ST6GALNAC3: variants seen among roughly 807,000 people sequenced by gnomAD.
The protein encoded by ST6GALNAC3 is alpha-N-acetylgalactosaminide alpha-2,6-sialyltransferase 3.
A neutral mutation model predicts 32.7 loss-of-function variants in ST6GALNAC3; 25 were observed. That is an observed-to-expected ratio of 0.76 (90% confidence interval 0.56 to 1.07). The LOEUF (loss-of-function observed/expected upper bound fraction) is 1.07, where lower values mean the gene tolerates loss of function less well. Ranked by LOEUF, ST6GALNAC3 falls within the 50% of genes least tolerant of loss-of-function variation. ST6GALNAC3 has a pLI of 0.00. For synonymous variants in ST6GALNAC3, 129 were observed against 133.1 expected (o/e 0.97, Z 0.21); for missense variants, 355 against 382.4 (o/e 0.93, Z 0.60).
chr1:76,369,811 C>T (rs1157638844), intron 2 of ST6GALNAC3, among the ~76,000 whole-genome samples: 2 of 152,116 alleles, frequency 1.3e-5, no homozygotes, highest in African/African-American at 2.4e-5. Context: ...AGATATTAGG[C>T]AATGCTAGCT....
At chr1:76,589,584 A>G (rs1015522586) in intron 3 of ST6GALNAC3, among the ~76,000 whole-genome samples, 2 of 151,994 alleles carry the variant, frequency 1.3e-5, no homozygotes, top group African/African-American at 4.8e-5. Flanking sequence ...AAAATAATTC[A>G]TGTCTGAAAT....
At chr1:76,141,864 G>C (rs1386309683) in intron 1 of ST6GALNAC3, among the ~76,000 whole-genome samples, 1 of 152,170 alleles carries the variant, frequency 6.6e-6, no homozygotes, top group East Asian at 1.9e-4. Flanking sequence ...CCCTAGAGTT[G>C]AGATTCAACC....
At chr1:76,088,907 A>C (rs1647001262) in intron 1 of ST6GALNAC3, among the ~76,000 whole-genome samples, 1 of 152,228 alleles carries the variant, frequency 6.6e-6, no homozygotes, top group African/African-American at 2.4e-5. Context: ...AAAGTTGTGT[A>C]TGGCTGGCAT....
chr1:76,195,727 A>G (rs557151062), intron 1 of ST6GALNAC3, among the ~76,000 whole-genome samples: 1 of 152,360 alleles, frequency 6.6e-6, no homozygotes, highest in South Asian at 2.1e-4. Flanking sequence ...GTGGTTCCCT[A>G]GTAAGGTCTT....
chr1:76,232,469 T>C (rs1340067450), intron 1 of ST6GALNAC3, among the ~76,000 whole-genome samples: 1 of 152,174 alleles, frequency 6.6e-6, no homozygotes, highest in East Asian at 1.9e-4. Flanking sequence ...CCAGAGCCCA[T>C]CTGGATTCCA....
intron 1 of ST6GALNAC3, among the ~76,000 whole-genome samples, chr1:76,116,759 C>A (rs954997144): frequency 1.4e-4 from 22 of 152,060 alleles, no homozygotes; most frequent in African/African-American, 5.1e-4. Context: ...GGCAAAACCC[C>A]GTCTATACTA....
chr1:76,628,713 G>A lies in ST6GALNAC3; in HGVS notation c.825G>A (p.Gly275=). The change falls in exon 5 of 5, where the codon GGG becomes GGA. Residue 275 remains glycine, a synonymous_variant. Coordinates refer to ENST00000328299, the MANE Select transcript of ST6GALNAC3 (RefSeq NM_152996.4). ...TTCTTCATGAACATGCCCCATATGG[G>A]GGTCATAGGTTTATCACTGAAAAGA... ...EYFLHEHAPY[G]GHRFITEKKV... is the part of the protein sequence containing the mutation. The A allele has an allele frequency of 2.5e-6, 4 of 1,612,426 alleles. No homozygotes were observed. Among genetic ancestry groups the A allele is most frequent in the Middle Eastern group, 1.7e-4 (1 of 6,054 alleles).
chr1:76,502,640 A>T (rs1375155717), intron 3 of ST6GALNAC3, among the ~76,000 whole-genome samples: 1 of 152,230 alleles, frequency 6.6e-6, no homozygotes, highest in Admixed American at 6.5e-5. Flanking sequence ...ACAACCAAGT[A>T]AGTTAACAAT....
intron 3 of ST6GALNAC3, chr1:76,577,365 C>T: frequency 2.1e-6 from 2 of 974,490 alleles, no homozygotes; most frequent in Non-Finnish European, 1.2e-6. Flanking sequence ...AGAGCTATAG[C>T]CTCTTAATCT....
chr1:76,325,438 T>A (rs1647049597), intron 2 of ST6GALNAC3, among the ~76,000 whole-genome samples: 1 of 152,154 alleles, frequency 6.6e-6, no homozygotes. Flanking sequence ...TTTTTTCTAT[T>A]GCAATGCAGC....
In ST6GALNAC3 at chr1:76,504,674, T is replaced by A. The variant is rs575159410; in HGVS notation, c.623+92257T>A. The stretch of plus-strand genomic sequence containing the variant: ...TACTTTGGGCTTTCACTGTATAGAG[T>A]CTTAGATTTGAAAGAACCTAATGTG... On this transcript the variant is annotated intron_variant, in intron 3 of 4. Coordinates refer to ENST00000328299, the MANE Select transcript of ST6GALNAC3 (RefSeq NM_152996.4). Among the ~76,000 whole-genome samples the A allele has an allele frequency of 3.8e-4, 58 of 152,214 alleles. No individual in the cohort carries two copies. The South Asian group carries it at 0.012, about 31-fold the overall frequency.
intron 1 of ST6GALNAC3, among the ~76,000 whole-genome samples, chr1:76,095,748 G>A (rs900307866): frequency 1.3e-5 from 2 of 152,126 alleles, no homozygotes; most frequent in African/African-American, 4.8e-5. Context: ...AAAAGACTGG[G>A]GGAAGGAGTG....
chr1:76,480,893 C>A (rs2101655049), intron 3 of ST6GALNAC3, among the ~76,000 whole-genome samples: 1 of 152,056 alleles, frequency 6.6e-6, no homozygotes, highest in East Asian at 1.9e-4. Flanking sequence ...AGCATCATTC[C>A]ACTAGTTTCC....
intron 3 of ST6GALNAC3, among the ~76,000 whole-genome samples, chr1:76,582,709 A>T (rs1302908696): frequency 6.6e-6 from 1 of 152,172 alleles, no homozygotes; most frequent in African/African-American, 2.4e-5. Flanking sequence ...GAACAAAAAT[A>T]TGCTTTCTTA....
intron 1 of ST6GALNAC3, among the ~76,000 whole-genome samples, chr1:76,168,636 G>A (rs1384955933): frequency 3.9e-5 from 6 of 152,158 alleles, no homozygotes; most frequent in African/African-American, 1.2e-4. Flanking sequence ...CTTGCTTTAC[G>A]AATCTGAGTG....
chr1:76,432,349 A>C (rs367583774), intron 3 of ST6GALNAC3, among the ~76,000 whole-genome samples: 7 of 151,360 alleles, frequency 4.6e-5, no homozygotes, highest in African/African-American at 1.7e-4. Context: ...TTTTGTGTGC[A>C]TGTAAATTTT....
At chr1:76,111,451 T>A (rs879634680) in intron 1 of ST6GALNAC3, among the ~76,000 whole-genome samples, 1 of 151,930 alleles carries the variant, frequency 6.6e-6, no homozygotes, top group African/African-American at 2.4e-5. Context: ...CATAATAAAA[T>A]AATTTTATTG....
chr1:76,287,486 C>T (rs1342557212), intron 1 of ST6GALNAC3, among the ~76,000 whole-genome samples: 1 of 150,224 alleles, frequency 6.7e-6, no homozygotes, highest in Non-Finnish European at 1.5e-5. Flanking sequence ...TAAACTGAAG[C>T]CTCTCCCCAA....
intron 3 of ST6GALNAC3, among the ~76,000 whole-genome samples, chr1:76,425,921 C>T (rs902432276): frequency 2.6e-5 from 4 of 151,862 alleles, no homozygotes; most frequent in Non-Finnish European, 5.9e-5. Context: ...GTCTATAATC[C>T]TGGAGTCAGC....
Sources: allele counts gnomAD v4.1 joint callset (sites outside exome capture counted in the v4.1 genomes callset), GRCh38; gene constraint gnomAD v4.1.1; transcripts MANE v1.5; gene names NCBI Gene and HGNC (gene_info 2026-07-23, HGNC 2026-07-21).